The following RUFY4 variants were observed in gnomAD, a reference collection of about 807,000 sequenced individuals.
RUFY4 encodes RUN and FYVE domain containing 4.
In RUFY4, 73 loss-of-function variants were observed where a neutral mutation model predicts 69.0. That is an observed-to-expected ratio of 1.06 (90% CI 0.88 to 1.29). The LOEUF (loss-of-function observed/expected upper bound fraction) is 1.29, where lower values mean the gene tolerates loss of function less well. RUFY4 is among the 50% of genes most tolerant of loss of function. The pLI is 0.00. For synonymous variants in RUFY4, 287 were observed against 271.8 expected (o/e 1.06, Z -0.55); for missense variants, 770 against 705.6 (o/e 1.09, Z -1.03).
upstream of RUFY4, among the ~76,000 whole-genome samples, chr2:218,064,735 T>C (rs969209255): frequency 5.3e-5 from 8 of 151,996 alleles, no homozygotes; most frequent in Non-Finnish European, 8.8e-5. Context: ...CAATTGGGGC[T>C]TCCAGAAGAG....
At chr2:218,076,114 A>G (rs1049241591) in intron 7 of RUFY4, among the ~76,000 whole-genome samples, 3 of 152,142 alleles carry the variant, frequency 2.0e-5, no homozygotes, top group African/African-American at 7.2e-5. Context: ...GAGCCCACCT[A>G]GTTGCTCCTG....
At chr2:218,067,528 G>T (rs1234773037), upstream of RUFY4, among the ~76,000 whole-genome samples, 1 of 152,208 alleles carries the variant, frequency 6.6e-6, no homozygotes, top group Non-Finnish European at 1.5e-5. Flanking sequence ...CCCCTGAAGA[G>T]GGGAGCCCCA....
At chr2:218,089,659 G>T (rs1165364276) in intron 10 of RUFY4, 1 of 702,806 alleles carries the variant, frequency 1.4e-6, no homozygotes, top group African/African-American at 1.7e-5. Context: ...AGCGTAAGCT[G>T]CTCCCCCTCC....
In RUFY4 at chr2:218,073,882, G is replaced by T. The variant is rs748975177; in HGVS notation, c.597G>T (p.Lys199Asn). ...CCAGAAAAAACAAAGATGCCCCAAA[G>T]AAGGTGCCTCTGCCCTGCCTTCACT... Residue 199 changes from lysine (K) to asparagine (N), a missense_variant, in exon 6 of 11, where the codon AAG becomes AAT. Transcript: ENST00000344321. The T allele has an allele frequency of 4.3e-6, 7 of 1,613,780 alleles. No homozygotes were observed. The Admixed American group carries it at 1.2e-4, about 27-fold the overall frequency.
At chr2:218,043,678 C>A (rs1688756295) in intron 2 of RUFY4, among the ~76,000 whole-genome samples, 1 of 152,218 alleles carries the variant, frequency 6.6e-6, no homozygotes. Flanking sequence ...TCAGCAGCCA[C>A]AGGTGGGCAC....
intron 2 of RUFY4, among the ~76,000 whole-genome samples, chr2:218,052,748 A>ATTTT (rs1305565312): frequency 1.3e-5 from 2 of 149,818 alleles, no homozygotes; most frequent in African/African-American, 5.0e-5. Context: ...TTTTTTTTAA[A>ATTTT]AAAAAAAGAT....
chr2:218,072,443 C>T, exon 3 of RUFY4: 1 of 1,537,402 alleles, frequency 6.5e-7, no homozygotes, highest in South Asian at 1.2e-5. Context: ...CTGCACTGCC[C>T]TACGACGGCA....
intron 3 of RUFY4, among the ~76,000 whole-genome samples, chr2:218,061,814 A>AT (rs1689201377): frequency 6.6e-6 from 1 of 152,218 alleles, no homozygotes; most frequent in South Asian, 2.1e-4. Context: ...GTTCAGAAAC[A>AT]TGAGATGCCA....
At chr2:218,072,475 C>T in exon 3 of RUFY4, 1 of 1,537,250 alleles carries the variant, frequency 6.5e-7, no homozygotes, top group African/African-American at 1.4e-5. Context: ...TGGAGCCAAT[C>T]CACTTTGTCC....
chr2:218,063,471 G>T (rs1170277822), intron 3 of RUFY4, among the ~76,000 whole-genome samples: 1 of 152,168 alleles, frequency 6.6e-6, no homozygotes, highest in African/African-American at 2.4e-5. Context: ...TTTAGCAGTT[G>T]CTCAAAAAAG....
At chr2:218,066,387 T>C (rs1689331875), upstream of RUFY4, among the ~76,000 whole-genome samples, 1 of 151,870 alleles carries the variant, frequency 6.6e-6, no homozygotes, top group Non-Finnish European at 1.5e-5. Flanking sequence ...TTTTGCCATG[T>C]TGGTCTCGAA....
At chr2:218,050,624 T>C (rs1343618109) in intron 2 of RUFY4, among the ~76,000 whole-genome samples, 1 of 152,250 alleles carries the variant, frequency 6.6e-6, no homozygotes, top group Non-Finnish European at 1.5e-5. Context: ...GACCTTCTTA[T>C]AGCTGGATAT....
intron 3 of RUFY4, among the ~76,000 whole-genome samples, chr2:218,063,401 TCAGAACTC>T: frequency 6.6e-6 from 1 of 152,170 alleles, no homozygotes; most frequent in East Asian, 1.9e-4. Context: ...AGTGGAAAAG[TCAGAACTC>T]TCCCACATCG....
chr2:218,072,909 T>C (rs1689527531), intron 4 of RUFY4, 24 bp downstream of exon 6: 1 of 1,490,494 alleles, frequency 6.7e-7, no homozygotes, highest in African/African-American at 1.4e-5. Context: ...GACATCCTCC[T>C]GCCGATGCCA....
rs559030755 is a variant in RUFY4 at position 218,062,076 on chromosome 2, ATG to A, written c.-1071+3403_-1071+3404del. Among the ~76,000 whole-genome samples the A allele has an allele frequency of 3.9e-5, 6 of 152,256 alleles. No homozygotes were observed. In the South Asian group the frequency reaches 1.2e-3, roughly 32 times the overall value. ...GGGTAGAAGGAGGCCTGCTCTGGGA[ATG>A]TGTGTGTACTTTGGAAAAGTATATT... On this transcript the variant is annotated intron_variant and NMD_transcript_variant, in intron 3 of 13. Coordinates refer to the RUFY4 transcript ENST00000457754.
chr2:218,090,291 T>C, exon 11 of RUFY4: 1 of 348,464 alleles, frequency 2.9e-6, no homozygotes, highest in Admixed American at 3.8e-5. Context: ...TCAGGGCTTC[T>C]TCTCTAATGT....
At position 218,083,267 on chromosome 2, in the gene RUFY4, G is replaced by T; in HGVS notation, c.1502+11G>T. 1 of 1,576,050 alleles carries T rather than the reference G, an allele frequency of 6.3e-7. No individual in the cohort carries two copies. The highest frequency in any genetic ancestry group is 8.6e-7 in the Non-Finnish European group (1 of 1,156,752). The stretch of plus-strand genomic sequence containing the variant: ...GTTGGAACTGATCCAGTAAGGACGG[G>T]GACAGTGGGAAAGGGGAAACAGATG... On this transcript the variant is annotated intron_variant, in intron 9 of 10. Transcript: ENST00000344321.
chr2:218,060,905 C>T (rs770584123), intron 3 of RUFY4: 3 of 1,056,330 alleles, frequency 2.8e-6, no homozygotes. Context: ...GTAACAGGAA[C>T]AGGTTCCACA....
At chr2:218,089,595 C>A in intron 10 of RUFY4, 1 of 676,568 alleles carries the variant, frequency 1.5e-6, no homozygotes. Context: ...ATTGGGTCCC[C>A]CTCCAAGAGC....
Sources: allele counts gnomAD v4.1 joint callset (sites outside exome capture counted in the v4.1 genomes callset), GRCh38; gene constraint gnomAD v4.1.1; transcripts MANE v1.5; gene names NCBI Gene and HGNC (gene_info 2026-07-23, HGNC 2026-07-21).